The following VPS37C variants were observed in gnomAD, a reference collection of about 807,000 sequenced individuals.
The protein encoded by VPS37C is VPS37C subunit of ESCRT-I.
In VPS37C, 9 loss-of-function variants were observed where a neutral mutation model predicts 16.1. The ratio of observed to expected loss-of-function variants is 0.56; its 90% CI spans 0.34 to 0.97. The LOEUF is 0.97. VPS37C is among the 50% of genes least tolerant of loss of function. The probability of loss-of-function intolerance (pLI) is 0.02; values close to 1 mark genes in which losing one functional copy is unlikely to be tolerated. For missense variants in VPS37C, 479 were observed against 472.7 expected, an observed-to-expected ratio of 1.01 and a Z score of -0.12; for synonymous variants, 207 against 206.4, an observed-to-expected ratio of 1.00 and a Z score of -0.02.
At chr11:61,151,167 A>G (rs985006885) in intron 1 of VPS37C, among the ~76,000 whole-genome samples, 1 of 152,178 alleles carries the variant, frequency 6.6e-6, no homozygotes, top group African/African-American at 2.4e-5. Flanking sequence ...ATCTACATCC[A>G]CAGAACACCA....
intron 2 of VPS37C, among the ~76,000 whole-genome samples, chr11:61,137,349 T>A (rs1861395466): frequency 6.6e-6 from 1 of 151,874 alleles, no homozygotes; most frequent in Non-Finnish European, 1.5e-5. Context: ...TCCACGAGTG[T>A]TTTTTCCCCT....
At chr11:61,133,415 G>GT in intron 3 of VPS37C, 78 bp from the exon 4 acceptor site, 1 of 1,436,720 alleles carries the variant, frequency 7.0e-7, no homozygotes, top group Non-Finnish European at 9.6e-7. Context: ...CATACCCTCT[G>GT]TGTGCATCCA....
chr11:61,153,046 T>C (rs917245553), intron 1 of VPS37C, among the ~76,000 whole-genome samples: 34 of 152,200 alleles, frequency 2.2e-4, no homozygotes, highest in African/African-American at 8.2e-4. Context: ...GCACAGCCCA[T>C]GTCGTGTTTG....
At chr11:61,145,713 C>T (rs760123226) in intron 1 of VPS37C, among the ~76,000 whole-genome samples, 7 of 152,226 alleles carry the variant, frequency 4.6e-5, no homozygotes, top group African/African-American at 7.2e-5. Flanking sequence ...CATCACCCAA[C>T]GCAAGGGACA....
At chr11:61,160,947 A>C (rs1285889780) in intron 1 of VPS37C, 54 of 152,512 alleles carry the variant, frequency 3.5e-4, no homozygotes, top group Admixed American at 3.5e-3. Context: ...AAGTCCCTCC[A>C]ACCTCCCCTC....
chr11:61,138,695 A>T, intron 2 of VPS37C, 42 bp downstream of exon 2: 5 of 1,592,404 alleles, frequency 3.1e-6, no homozygotes, highest in Non-Finnish European at 4.3e-6. Flanking sequence ...AACAAGCCTC[A>T]TCTGCTGGCC....
At chr11:61,133,410 C>T (rs1394247959) in intron 3 of VPS37C, 73 bp from the exon 4 acceptor site, 1 of 1,441,968 alleles carries the variant, frequency 6.9e-7, no homozygotes, top group Non-Finnish European at 9.5e-7. Flanking sequence ...CTTTGCATAC[C>T]CTCTGTGTGC....
chr11:61,149,627 G>A (rs533931128), intron 1 of VPS37C, among the ~76,000 whole-genome samples: 1 of 152,298 alleles, frequency 6.6e-6, no homozygotes, highest in East Asian at 1.9e-4. Context: ...GATCCTGGAC[G>A]GAAGCAAAGG....
chr11:61,134,284 C>T lies in VPS37C; in HGVS notation c.94-77G>A, dbSNP rs939251113. 6.7e-6 allele frequency: 10 copies of T among 1,500,248 alleles called. No homozygotes were observed. In the African/African-American group the frequency reaches 6.9e-5, roughly 10 times the overall value. 92.9% of individuals were successfully genotyped at this position (1,500,248 alleles called of 1,614,324 possible). On this transcript the variant is annotated intron_variant, in intron 2 of 4. Transcript: ENST00000301765. Reference sequence around the variant, plus strand: ...TCCTGGCAGCCTGGGTCAGGGGCTTCGGGGACACATTGCTCACCTTGGGGC... The same window carrying T: ...TCCTGGCAGCCTGGGTCAGGGGCTTTGGGGACACATTGCTCACCTTGGGGC...
chr11:61,132,850 C>A, intron 4 of VPS37C: 1 of 545,812 alleles, frequency 1.8e-6, no homozygotes, highest in Non-Finnish European at 3.3e-6. Context: ...AGCACTAGCC[C>A]AGGGACTGGG....
intron 1 of VPS37C, chr11:61,161,110 A>G (rs1386908538): frequency 6.6e-6 from 1 of 152,380 alleles, no homozygotes; most frequent in Non-Finnish European, 1.5e-5. Flanking sequence ...AGAGACGCAG[A>G]AAGGAGGGTG....
chr11:61,148,131 T>C (rs1025158877), intron 1 of VPS37C, among the ~76,000 whole-genome samples: 1 of 152,224 alleles, frequency 6.6e-6, no homozygotes, highest in East Asian at 1.9e-4. Context: ...GCTGCAATCT[T>C]GTGTCAAGTG....
intron 1 of VPS37C, chr11:61,145,277 C>T (rs1410652409): frequency 6.6e-6 from 1 of 152,240 alleles, no homozygotes; most frequent in Non-Finnish European, 1.5e-5. Flanking sequence ...CTTTGCCCCA[C>T]CTGCTCGGCA....
intron 1 of VPS37C, among the ~76,000 whole-genome samples, chr11:61,156,458 C>T (rs1224988458): frequency 4.6e-5 from 7 of 152,000 alleles, no homozygotes; most frequent in East Asian, 3.9e-4. Context: ...GGTAGGCACA[C>T]GCCTGTAATC....
At chr11:61,153,874 T>C (rs1391384590) in intron 1 of VPS37C, among the ~76,000 whole-genome samples, 2 of 152,066 alleles carry the variant, frequency 1.3e-5, no homozygotes, top group Non-Finnish European at 2.9e-5. Flanking sequence ...TCTATACCAG[T>C]CCAAGGCAAC....
intron 1 of VPS37C, among the ~76,000 whole-genome samples, chr11:61,142,842 A>C (rs1395935802): frequency 6.7e-6 from 1 of 148,364 alleles, no homozygotes; most frequent in Non-Finnish European, 1.5e-5. Context: ...ATTGGGAGAT[A>C]TACCTAATGC....
chr11:61,151,231 A>G (rs934687151), intron 1 of VPS37C, among the ~76,000 whole-genome samples: 1 of 152,190 alleles, frequency 6.6e-6, no homozygotes, highest in African/African-American at 2.4e-5. Context: ...GATATCTTCA[A>G]CTAGACCCCT....
chr11:61,134,338 A>G, intron 2 of VPS37C, 131 bp from the exon 3 acceptor site: 2 of 970,702 alleles, frequency 2.1e-6, no homozygotes, highest in Non-Finnish European at 3.0e-6. Context: ...GGCAATACTC[A>G]GCCCTCAACT....
chr11:61,142,004 G>A (rs766983684), intron 1 of VPS37C, among the ~76,000 whole-genome samples: 8 of 152,208 alleles, frequency 5.3e-5, no homozygotes, highest in Non-Finnish European at 8.8e-5. Context: ...GAGAAGAGCC[G>A]AGATTCCCTG....
Sources: allele counts gnomAD v4.1 joint callset (sites outside exome capture counted in the v4.1 genomes callset), GRCh38; gene constraint gnomAD v4.1.1; transcripts MANE v1.5; gene names NCBI Gene and HGNC (gene_info 2026-07-23, HGNC 2026-07-21).